Variants in PCDH15 observed in about 807,000 individuals in gnomAD.
The protein encoded by PCDH15 is protocadherin related 15.
A neutral mutation model predicts 178.5 loss-of-function variants in PCDH15; 129 were observed. That is an observed-to-expected ratio of 0.72 (90% CI 0.63 to 0.84). The LOEUF is 0.84. PCDH15 is among the 40% of genes least tolerant of loss of function. PCDH15 has a pLI of 0.00. For missense variants in PCDH15, 2,230 were observed against 2,099.9 expected, an observed-to-expected ratio of 1.06 and a Z score of -1.21; for synonymous variants, 800 against 732.0, an observed-to-expected ratio of 1.09 and a Z score of -1.50.
chr10:54,568,025 C>T (rs183934210), intron 2 of PCDH15, among the ~76,000 whole-genome samples: 1 of 152,242 alleles, frequency 6.6e-6, no homozygotes, highest in Non-Finnish European at 1.5e-5. Flanking sequence ...AAACCTTGGG[C>T]CCACTTGAGA....
intron 3 of PCDH15, among the ~76,000 whole-genome samples, chr10:54,474,734 A>G (rs2078156855): frequency 6.6e-6 from 1 of 152,028 alleles, no homozygotes; most frequent in Non-Finnish European, 1.5e-5. Context: ...CTCTGAAGCT[A>G]CAAATGTCAC....
At chr10:55,166,810 A>C (rs962607566) in intron 1 of PCDH15, among the ~76,000 whole-genome samples, 6 of 152,208 alleles carry the variant, frequency 3.9e-5, no homozygotes, top group African/African-American at 1.4e-4. Context: ...AATGAGTAAA[A>C]GATTGCAAGA....
At chr10:54,266,893 A>G (rs574130520) in intron 8 of PCDH15, among the ~76,000 whole-genome samples, 15 of 151,950 alleles carry the variant, frequency 9.9e-5, no homozygotes, top group Non-Finnish European at 2.1e-4. Context: ...ACTATTCCAA[A>G]AAATCGAGGA....
intron 10 of PCDH15, among the ~76,000 whole-genome samples, chr10:54,201,901 C>A (rs2050271176): frequency 6.6e-6 from 1 of 152,190 alleles, no homozygotes; most frequent in Non-Finnish European, 1.5e-5. Context: ...GATGCACATT[C>A]TTGCCAGTCT....
chr10:55,203,650 T>C (rs907785784), intron 1 of PCDH15, among the ~76,000 whole-genome samples: 3 of 152,070 alleles, frequency 2.0e-5, no homozygotes, highest in Non-Finnish European at 4.4e-5. Context: ...AGTTGGCTAG[T>C]AGTAATCCTT....
At chr10:54,739,394 C>G (rs1033121838) in intron 1 of PCDH15, among the ~76,000 whole-genome samples, 7 of 151,566 alleles carry the variant, frequency 4.6e-5, no homozygotes, top group Admixed American at 3.9e-4. Context: ...TACTGGAAAA[C>G]TGGAAAAGAT....
At chr10:54,925,727 T>G (rs1837605418) in intron 2 of PCDH15, among the ~76,000 whole-genome samples, 1 of 152,202 alleles carries the variant, frequency 6.6e-6, no homozygotes, top group Non-Finnish European at 1.5e-5. Flanking sequence ...ATTGCATTCA[T>G]GATTTGGCAC....
intron 17 of PCDH15, among the ~76,000 whole-genome samples, chr10:54,078,588 T>C (rs888534577): frequency 4.0e-5 from 6 of 151,242 alleles, no homozygotes; most frequent in South Asian, 4.2e-4. Flanking sequence ...AAGCACCTGA[T>C]TGAAAAAAAA....
At chr10:55,299,207 C>A (rs1843207208) in intron 1 of PCDH15, among the ~76,000 whole-genome samples, 1 of 152,068 alleles carries the variant, frequency 6.6e-6, no homozygotes, top group Non-Finnish European at 1.5e-5. Context: ...TGAATTGAGA[C>A]CTGTGGTAAC....
At chr10:54,394,747 A>C (rs1950987011) in intron 3 of PCDH15, among the ~76,000 whole-genome samples, 1 of 152,152 alleles carries the variant, frequency 6.6e-6, no homozygotes, top group South Asian at 2.1e-4. Context: ...GCTATGGAAG[A>C]CTGGGGTCTA....
At chr10:55,571,248 T>A (rs1187082168) in intron 2 of PCDH15, among the ~76,000 whole-genome samples, 1 of 152,036 alleles carries the variant, frequency 6.6e-6, no homozygotes, top group Admixed American at 6.6e-5. Context: ...TGATTGGAAG[T>A]TTCCTGAGGC....
chr10:54,687,348 A>G (rs1368010500), intron 1 of PCDH15, among the ~76,000 whole-genome samples: 1 of 152,162 alleles, frequency 6.6e-6, no homozygotes, highest in Non-Finnish European at 1.5e-5. Flanking sequence ...AGATACAATC[A>G]TATACTAGTA....
At chr10:54,985,726 C>T (rs1010139500) in intron 2 of PCDH15, among the ~76,000 whole-genome samples, 1 of 152,138 alleles carries the variant, frequency 6.6e-6, no homozygotes, top group Non-Finnish European at 1.5e-5. Flanking sequence ...AAAGTAAAGT[C>T]TTTACTGAAT....
At chr10:54,647,973 A>G (rs572959699) in intron 2 of PCDH15, among the ~76,000 whole-genome samples, 48 of 152,204 alleles carry the variant, frequency 3.2e-4, no homozygotes, top group South Asian at 2.7e-3. Context: ...CAAACTGCCT[A>G]TATTTCCTCT....
intron 3 of PCDH15, among the ~76,000 whole-genome samples, chr10:54,456,108 G>T (rs2076803389): frequency 6.6e-6 from 1 of 152,098 alleles, no homozygotes; most frequent in African/African-American, 2.4e-5. Flanking sequence ...TGTGGGGTTG[G>T]AGCCCCACAC....
At chr10:55,064,487 G>A (rs10430541) in intron 2 of PCDH15, among the ~76,000 whole-genome samples, 56,815 of 151,664 alleles carry the variant, frequency 0.37, 11,768 homozygotes, top group East Asian at 0.74. Flanking sequence ...ATTAGGTTGG[G>A]GCATATAATC....
At chr10:54,630,471 T>G (rs1052930285) in intron 2 of PCDH15, among the ~76,000 whole-genome samples, 1 of 152,194 alleles carries the variant, frequency 6.6e-6, no homozygotes, top group East Asian at 1.9e-4. Context: ...TGCAGAAGAA[T>G]GAAACTGCAC....
chr10:55,333,565 T>A (rs1388151256), intron 2 of PCDH15, among the ~76,000 whole-genome samples: 5 of 152,084 alleles, frequency 3.3e-5, no homozygotes, highest in Admixed American at 3.3e-4. Context: ...AAGAATTAAC[T>A]GTTAATTTTT....
intron 15 of PCDH15, among the ~76,000 whole-genome samples, chr10:54,105,261 T>C (rs1305693952): frequency 2.9e-5 from 4 of 139,094 alleles, no homozygotes; most frequent in Non-Finnish European, 6.1e-5. Context: ...GATATAGATA[T>C]AGACATATAG....
Sources: gnomAD v4.1 joint callset for allele counts (sites outside exome capture counted in the v4.1 genomes callset) on GRCh38, gnomAD v4.1.1 for gene constraint, MANE v1.5 for transcripts, NCBI Gene and HGNC (gene_info 2026-07-23, HGNC 2026-07-21) for gene names.